FRMPD4: variants seen among roughly 807,000 people sequenced by gnomAD.
The protein encoded by FRMPD4 is FERM and PDZ domain-containing protein 4.
FRMPD4 carries 22 observed loss-of-function variants against 94.1 expected under a neutral mutation model. The ratio of observed to expected loss-of-function variants is 0.23; its 90% CI spans 0.17 to 0.33. The LOEUF (loss-of-function observed/expected upper bound fraction) is 0.33. Among genes scored for constraint, FRMPD4 ranks in the 10% least tolerant of loss-of-function variants. The probability of loss-of-function intolerance (pLI) is 1.00; values close to 1 mark genes in which losing one functional copy is unlikely to be tolerated. For missense variants in FRMPD4, 1,111 were observed against 1,339.9 expected, an observed-to-expected ratio of 0.83 and a Z score of 2.67; for synonymous variants, 631 against 548.6, an observed-to-expected ratio of 1.15 and a Z score of -2.10.
chrX:12,599,097 G>A (rs758248183), intron 2 of FRMPD4, among the ~76,000 whole-genome samples: 33 of 110,715 alleles, frequency 3.0e-4, no homozygotes, highest in South Asian at 1.5e-3. Context: ...GAATACATGC[G>A]GACTGGGAGG....
intron 1 of FRMPD4, among the ~76,000 whole-genome samples, chrX:12,169,701 T>G (rs1342225397): frequency 1.8e-5 from 2 of 112,467 alleles, no homozygotes; most frequent in Admixed American, 9.4e-5. Flanking sequence ...ACTCATAGAC[T>G]TTTATACTTC....
intron 3 of FRMPD4, among the ~76,000 whole-genome samples, chrX:11,902,094 G>A (rs1160670795): frequency 8.9e-6 from 1 of 112,347 alleles, no homozygotes. Flanking sequence ...CGTAGAACAT[G>A]CTTCTGAACA....
intron 4 of FRMPD4, among the ~76,000 whole-genome samples, chrX:12,626,883 G>A (rs944052738): frequency 4.5e-5 from 5 of 109,945 alleles, no homozygotes; most frequent in Non-Finnish European, 9.5e-5. Flanking sequence ...ATCAGATCAT[G>A]TTCCAGGGGC....
At chrX:12,010,971 T>C (rs1224135364) in intron 3 of FRMPD4, among the ~76,000 whole-genome samples, 1 of 112,040 alleles carries the variant, frequency 8.9e-6, no homozygotes, top group African/African-American at 3.2e-5. Flanking sequence ...ATTTGGCAGA[T>C]CTATAGGGGT....
At chrX:12,517,074 C>G (rs1247148409) in intron 2 of FRMPD4, among the ~76,000 whole-genome samples, 3 of 110,155 alleles carry the variant, frequency 2.7e-5, no homozygotes, top group African/African-American at 6.6e-5. Context: ...ATGTTCCTCT[C>G]TAAACTGGTT....
Position 12,716,799 on chromosome X carries a change from C to T in FRMPD4, c.2340C>T (p.Ile780=), listed in dbSNP as rs778068912. The change falls in exon 15 of 17, where the codon ATC becomes ATT. Residue 780 remains isoleucine (I), a synonymous_variant. Coordinates refer to ENST00000675598, the MANE Select transcript of FRMPD4 (RefSeq NM_001368397.1). ...ILNLSGSSDD[I]IDLTSLPPPE... is the part of the protein sequence containing the mutation. ...ACCTGTCTGGGTCAAGCGATGACAT[C>T]ATTGACCTCACATCCCTGCCCCCTC... is the stretch of plus-strand genomic sequence containing the variant. 6 of 1,210,579 alleles carry T rather than the reference C, an allele frequency of 5.0e-6. No individual in the cohort carries two copies. The highest frequency in any genetic ancestry group is 3.4e-6 in the Non-Finnish European group (3 of 894,362).
At chrX:11,950,488 C>T (rs1243901484) in intron 3 of FRMPD4, among the ~76,000 whole-genome samples, 2 of 111,668 alleles carry the variant, frequency 1.8e-5, no homozygotes. Context: ...TTAGATTCCT[C>T]ATGTTGGACC....
chrX:12,296,085 G>A (rs4615781), intron 1 of FRMPD4, among the ~76,000 whole-genome samples: 1 of 109,222 alleles, frequency 9.2e-6, no homozygotes, highest in South Asian at 4.1e-4. Context: ...GTGTGCCCCC[G>A]CTTCCAGTCG....
intron 4 of FRMPD4, among the ~76,000 whole-genome samples, chrX:12,615,217 A>G (rs755227351): frequency 8.9e-6 from 1 of 112,160 alleles, no homozygotes; most frequent in Non-Finnish European, 1.9e-5. Flanking sequence ...TCAAAACACA[A>G]TACCTGAATT....
chrX:12,362,410 A>C (rs1371999763), intron 1 of FRMPD4, among the ~76,000 whole-genome samples: 1 of 109,993 alleles, frequency 9.1e-6, no homozygotes, highest in Non-Finnish European at 1.9e-5. Flanking sequence ...CCTGTGTCCA[A>C]GTGTTCTCAT....
chrX:12,096,846 C>A (rs1265117947), intron 3 of FRMPD4, among the ~76,000 whole-genome samples: 1 of 111,404 alleles, frequency 9.0e-6, no homozygotes, highest in African/African-American at 3.3e-5. Context: ...ATGATCATGC[C>A]ACTGCACTCC....
chrX:11,867,709 G>C (rs2053729645), intron 2 of FRMPD4, among the ~76,000 whole-genome samples: 1 of 112,032 alleles, frequency 8.9e-6, no homozygotes, highest in Non-Finnish European at 1.9e-5. Flanking sequence ...CGTGTCCCCT[G>C]TTTGTAGGAG....
chrX:12,146,898 G>A (rs2055776800), intron 1 of FRMPD4, among the ~76,000 whole-genome samples: 1 of 112,088 alleles, frequency 8.9e-6, no homozygotes, highest in Non-Finnish European at 1.9e-5. Context: ...TGCTATCGAA[G>A]GTTTCCTGCA....
intron 1 of FRMPD4, among the ~76,000 whole-genome samples, chrX:12,344,764 T>C (rs966727192): frequency 1.8e-5 from 2 of 112,055 alleles, no homozygotes; most frequent in Non-Finnish European, 3.8e-5. Context: ...TCCTGGCTTT[T>C]CGTTGTTGTT....
intron 1 of FRMPD4, among the ~76,000 whole-genome samples, chrX:11,864,487 G>T (rs1447115699): frequency 9.0e-6 from 1 of 111,260 alleles, no homozygotes; most frequent in Non-Finnish European, 1.9e-5. Flanking sequence ...ATGCACAATT[G>T]TACAGTAGGA....
intron 3 of FRMPD4, among the ~76,000 whole-genome samples, chrX:11,992,255 A>G (rs1350632507): frequency 8.9e-6 from 1 of 112,116 alleles, no homozygotes; most frequent in Non-Finnish European, 1.9e-5. Flanking sequence ...ACTGTTTTCC[A>G]GTTTCACTTA....
At chrX:12,326,162 A>AT (rs201568450) in intron 1 of FRMPD4, among the ~76,000 whole-genome samples, 50 of 111,193 alleles carry the variant, frequency 4.5e-4, no homozygotes, top group African/African-American at 1.5e-3. Context: ...TATTCCTCCT[A>AT]TTTTTTTTAT....
At chrX:12,617,595 T>A (rs915706016) in intron 4 of FRMPD4, among the ~76,000 whole-genome samples, 4 of 112,482 alleles carry the variant, frequency 3.6e-5, no homozygotes, top group African/African-American at 1.3e-4. Context: ...ACTGGGCTCC[T>A]CAGCTGATAT....
At chrX:11,979,098 A>G (rs1466530066) in intron 3 of FRMPD4, among the ~76,000 whole-genome samples, 1 of 111,741 alleles carries the variant, frequency 8.9e-6, no homozygotes, top group East Asian at 2.8e-4. Context: ...TAGCACCAGT[A>G]CTTTTGAAGT....
Sources: gnomAD v4.1 joint callset for allele counts (sites outside exome capture counted in the v4.1 genomes callset) on GRCh38, gnomAD v4.1.1 for gene constraint, MANE v1.5 for transcripts, NCBI Gene and HGNC (gene_info 2026-07-23, HGNC 2026-07-21) for gene names.